Variants in BCAS3 observed in about 807,000 individuals in gnomAD.
The protein encoded by BCAS3 is BCAS4/BCAS3 fusion.
A neutral mutation model predicts 116.1 loss-of-function variants in BCAS3; 53 were observed. The ratio of observed to expected loss-of-function variants is 0.46; its 90% CI spans 0.37 to 0.57. BCAS3 has a LOEUF of 0.57. Among genes scored for constraint, BCAS3 ranks in the 20% least tolerant of loss-of-function variants. BCAS3 has a pLI of 0.00. For missense variants in BCAS3, 917 were observed against 1,165.4 expected, an observed-to-expected ratio of 0.79 and a Z score of 3.10; for synonymous variants, 391 against 408.2, an observed-to-expected ratio of 0.96 and a Z score of 0.51.
Position 60,874,702 on chromosome 17 carries a change from G to A in BCAS3, c.625G>A (p.Asp209Asn). Residue 209 changes from aspartate (D) to asparagine (N), a missense_variant, in exon 9 of 24, where the codon GAT becomes AAT. By Grantham distance (23) the Asp-to-Asn change is conservative (BLOSUM62 1). Coordinates refer to ENST00000407086, the MANE Select transcript of BCAS3 (RefSeq NM_017679.5). ...VVLQEKIAAF[D>N]SCTFTKKFFV... is the part of the protein sequence containing the mutation. ...CTTGCAGGAGAAAATTGCTGCCTTT[G>A]ATAGCTGTACTTTCACGAAGAAATT... The A allele has an allele frequency of 6.2e-7, 1 of 1,611,166 alleles. No homozygotes were observed. The highest frequency in any genetic ancestry group is 8.5e-7 in the Non-Finnish European group (1 of 1,178,708).
intron 22 of BCAS3, among the ~76,000 whole-genome samples, chr17:61,202,084 T>G (rs9904170): frequency 2.6e-5 from 1 of 38,848 alleles, no homozygotes; most frequent in African/African-American, 6.8e-5. Flanking sequence ...TTTTTTTTTG[T>G]AATTTTTATG....
intron 13 of BCAS3, among the ~76,000 whole-genome samples, chr17:60,935,280 G>A (rs1437484410): frequency 5.3e-5 from 8 of 152,252 alleles, no homozygotes; most frequent in South Asian, 4.1e-4. Context: ...ATTAATAAAT[G>A]TGATGTTAAT....
chr17:61,368,323 A>T lies in BCAS3; in HGVS notation c.2426-4A>T. 6.3e-7 allele frequency: 1 copy of T among 1,590,916 alleles called. No individual in the cohort carries two copies. On this transcript the variant is annotated splice_polypyrimidine_tract_variant and splice_region_variant and intron_variant, in intron 22 of 23. Coordinates refer to ENST00000407086, the MANE Select transcript of BCAS3 (RefSeq NM_017679.5). The surrounding 1 kb of genome is among the most constrained non-coding windows in gnomAD (Gnocchi z 6.0). ...CAACGTCAGATGTCCCGTGTGTGCC[A>T]CAGGTACCTTTGACAGGAGCGTGAC...
intron 12 of BCAS3, among the ~76,000 whole-genome samples, chr17:60,917,121 C>G (rs1336851102): frequency 6.6e-6 from 1 of 152,136 alleles, no homozygotes; most frequent in Admixed American, 6.5e-5. Flanking sequence ...TATTCATCAA[C>G]TGATGAATGG....
In BCAS3 at chr17:60,788,230, G is replaced by C. The variant is rs115810578; in HGVS notation, c.404-19774G>C. 7.2e-3 allele frequency among the ~76,000 whole-genome samples: 1,089 copies of C among 152,204 alleles called. 12 individuals are homozygous for C. The highest frequency in any genetic ancestry group is 0.024 in the African/African-American group (994 of 41,532). ...TGACAGTAGCTTTTTCAGTGAGTAAGGGTAACAGAAAAGAATTCTTGTCTA... is the reference window on the plus strand; with the variant it reads ...TGACAGTAGCTTTTTCAGTGAGTAACGGTAACAGAAAAGAATTCTTGTCTA... On this transcript the variant is annotated intron_variant, in intron 6 of 23. Transcript: ENST00000407086.
In BCAS3 at chr17:61,021,473, G is replaced by A. The variant is rs2065870654; in HGVS notation, c.1637+5572G>A. On this transcript the variant is annotated intron_variant, in intron 16 of 23. Transcript: ENST00000407086. The surrounding 1 kb of genome is among the most constrained non-coding windows in gnomAD (Gnocchi z 4.6). Reference sequence around the variant, plus strand: ...AAAAATATGGAATTGGGAGTCTGAGGCCCTGGCTTCTTCTCATCTGGGTTC... The same window carrying A: ...AAAAATATGGAATTGGGAGTCTGAGACCCTGGCTTCTTCTCATCTGGGTTC... 6.6e-6 allele frequency among the ~76,000 whole-genome samples: 1 copy of A among 152,064 alleles called. No individual in the cohort carries two copies. Among genetic ancestry groups the A allele is most frequent in the African/African-American group, 2.4e-5 (1 of 41,404 alleles).
chr17:61,264,408 CTTT>C (rs539191667), intron 22 of BCAS3, among the ~76,000 whole-genome samples: 4 of 133,086 alleles, frequency 3.0e-5, no homozygotes, highest in East Asian at 2.1e-4. Flanking sequence ...ATAGGTAAGT[CTTT>C]TTTTTTTTTT....
rs143701552 is a variant in BCAS3, at chr17:60,679,875, A to T, written c.83+335A>T. ...AAATAGAGGCCGGGCGCAGTGGCTC[A>T]TGCCTGTAATCCCAGCACTTTGGGA... is the stretch of plus-strand genomic sequence containing the variant. On this transcript the variant is annotated intron_variant, in intron 2 of 23. Coordinates refer to ENST00000407086, the MANE Select transcript of BCAS3 (RefSeq NM_017679.5). Among the ~76,000 whole-genome samples, 441 of 152,312 alleles carry T rather than the reference A, an allele frequency of 2.9e-3. 3 individuals are homozygous for T. The highest frequency in any genetic ancestry group is 9.8e-3 in the African/African-American group (406 of 41,568).
In BCAS3 at chr17:61,213,748, C is replaced by T. The variant is rs891621409; in HGVS notation, c.2425+129184C>T. Among the ~76,000 whole-genome samples the T allele has an allele frequency of 6.6e-6, 1 of 152,130 alleles. No homozygotes were observed. The highest frequency in any genetic ancestry group is 2.4e-5 in the African/African-American group (1 of 41,420). On this transcript the variant is annotated intron_variant, in intron 22 of 23. Coordinates refer to ENST00000407086, the MANE Select transcript of BCAS3 (RefSeq NM_017679.5). The surrounding 1 kb of genome is among the most constrained non-coding windows in gnomAD (Gnocchi z 5.4). Reference sequence around the variant, plus strand: ...TTTAACTGCAGAGACTGGATTAGAACACACACATTCAGAATTTTCTGGATG... The same window carrying T: ...TTTAACTGCAGAGACTGGATTAGAATACACACATTCAGAATTTTCTGGATG...
In BCAS3 at chr17:60,718,135, G is replaced by A. The variant is rs148997502; in HGVS notation, c.321+8810G>A. Among the ~76,000 whole-genome samples, 342 of 152,334 alleles carry A rather than the reference G, an allele frequency of 2.2e-3. 5 individuals carry two copies. Among genetic ancestry groups the A allele is most frequent in the East Asian group, 0.017 (87 of 5,184 alleles). ...GAGAGCAGCTGTAAATACAGTTGAA[G>A]CTTCGCTTTTGCTTGCCTGCTTCTC... On this transcript the variant is annotated intron_variant, in intron 5 of 23. Transcript: ENST00000407086.
intron 14 of BCAS3, among the ~76,000 whole-genome samples, chr17:60,963,342 G>A (rs2061499081): frequency 6.6e-6 from 1 of 151,888 alleles, no homozygotes; most frequent in Admixed American, 6.6e-5. Context: ...CGTTTTAACA[G>A]TATTCTTTGA....
intron 6 of BCAS3, among the ~76,000 whole-genome samples, chr17:60,771,248 AT>A (rs1210521987): frequency 1.3e-5 from 2 of 151,074 alleles, no homozygotes; most frequent in Non-Finnish European, 3.0e-5. Flanking sequence ...TTTTTTTTTC[AT>A]TTTTAAGGTC....
Position 60,960,787 on chromosome 17 carries a change from T to C in BCAS3, c.1221+13435T>C, listed in dbSNP as rs1003854460. Among the ~76,000 whole-genome samples, 27 of 151,998 alleles carry C rather than the reference T, an allele frequency of 1.8e-4. No individual in the cohort carries two copies. The highest frequency in any genetic ancestry group is 1.2e-3 in the Admixed American group (18 of 15,258). On this transcript the variant is annotated intron_variant, in intron 14 of 23. Transcript: ENST00000407086. This position sits in a 1 kb window ranked among gnomAD's most constrained non-coding sequence, Gnocchi z 4.1. The stretch of plus-strand genomic sequence containing the variant: ...CTGCCTTCTTCTTCTTTTTCTTTTT[T>C]TTTTTTTAATCATGCCTTTGTGCCT...
chr17:60,875,170 A>G (rs537934239), intron 9 of BCAS3, among the ~76,000 whole-genome samples: 1 of 152,296 alleles, frequency 6.6e-6, no homozygotes, highest in East Asian at 1.9e-4. Flanking sequence ...TCGAATAAGG[A>G]CTTATATTTT....
rs1176215519 is a variant in BCAS3 at position 61,041,776 on chromosome 17, A to G, written c.2029+884A>G. On this transcript the variant is annotated intron_variant, in intron 19 of 23. Transcript: ENST00000407086. This position sits in a 1 kb window ranked among gnomAD's most constrained non-coding sequence, Gnocchi z 4.7. ...AAATATTTTATAGACTTTGCTCTCA[A>G]GTTATGAAACTCTATAACTGTAATC... is the stretch of plus-strand genomic sequence containing the variant. Among the ~76,000 whole-genome samples the G allele has an allele frequency of 6.6e-6, 1 of 152,044 alleles. No individual in the cohort carries two copies. The highest frequency in any genetic ancestry group is 1.5e-5 in the Non-Finnish European group (1 of 67,980).
At chr17:60,894,665 T>A (rs11655831) in intron 10 of BCAS3, among the ~76,000 whole-genome samples, 6,215 of 152,270 alleles carry the variant, frequency 0.041, 192 homozygotes, top group Non-Finnish European at 0.067. Flanking sequence ...GAAAGGCTTT[T>A]AAATTTTCCC....
intron 6 of BCAS3, among the ~76,000 whole-genome samples, chr17:60,793,679 C>G (rs915925780): frequency 2.0e-5 from 3 of 152,142 alleles, no homozygotes; most frequent in African/African-American, 7.2e-5. Flanking sequence ...TAAGTTACTT[C>G]ACTTAGAATA....
chr17:60,849,276 C>A (rs2052831105), intron 7 of BCAS3, among the ~76,000 whole-genome samples: 1 of 150,480 alleles, frequency 6.6e-6, no homozygotes, highest in Non-Finnish European at 1.5e-5. Flanking sequence ...TCTCTGTGTT[C>A]AGTTCTTTTT....
Position 60,874,755 on chromosome 17 carries a change from T to C in BCAS3, c.661+17T>C. The C allele has an allele frequency of 6.3e-7, 1 of 1,578,652 alleles. No individual in the cohort carries two copies. Among genetic ancestry groups the C allele is most frequent in the East Asian group, 2.3e-5 (1 of 44,402 alleles). The stretch of plus-strand genomic sequence containing the variant: ...TTGTTACAAGTATGTACCAATTTTT[T>C]TTCCCTTCTTATGCCTTTGGGTTTA... On this transcript the variant is annotated intron_variant, in intron 9 of 23. Coordinates refer to ENST00000407086, the MANE Select transcript of BCAS3 (RefSeq NM_017679.5).
Sources: gnomAD v4.1 joint callset for allele counts (sites outside exome capture counted in the v4.1 genomes callset) on GRCh38, gnomAD v4.1.1 for gene constraint, Gnocchi (gnomAD v3.1) non-coding constraint, MANE v1.5 for transcripts, NCBI Gene and HGNC (gene_info 2026-07-23, HGNC 2026-07-21) for gene names.